The following NMNAT2 variants were observed in gnomAD, a reference collection of about 807,000 sequenced individuals.
NMNAT2 encodes the protein nicotinamide nucleotide adenylyltransferase 2, also known as nicotinamide/nicotinic acid mononucleotide adenylyltransferase 2.
In NMNAT2, 11 loss-of-function variants were observed where a neutral mutation model predicts 41.6. The ratio of observed to expected loss-of-function variants is 0.26; its 90% CI spans 0.17 to 0.44. The LOEUF is 0.44. NMNAT2 is among the 20% of genes least tolerant of loss of function. NMNAT2 has a pLI of 1.00. For synonymous variants in NMNAT2, 148 were observed against 151.2 expected (o/e 0.98, Z 0.16); for missense variants, 288 against 407.7 (o/e 0.71, Z 2.53).
chr1:183,365,060 A>C (rs1460899836), intron 1 of NMNAT2, among the ~76,000 whole-genome samples: 1 of 152,198 alleles, frequency 6.6e-6, no homozygotes. Flanking sequence ...GGAAGAAATC[A>C]AACCAGTGTG....
chr1:183,284,456 C>G (rs568915361), intron 6 of NMNAT2, among the ~76,000 whole-genome samples: 11 of 152,228 alleles, frequency 7.2e-5, no homozygotes, highest in Non-Finnish European at 1.3e-4. Context: ...AACAAGCACA[C>G]TGTGGGTGCA....
chr1:183,378,203 C>T (rs991248213), intron 1 of NMNAT2, among the ~76,000 whole-genome samples: 2 of 152,136 alleles, frequency 1.3e-5, no homozygotes, highest in Non-Finnish European at 2.9e-5. Flanking sequence ...ACCAGCCTTG[C>T]CAACATGGTG....
chr1:183,300,179 G>A (rs754962603), intron 1 of NMNAT2, among the ~76,000 whole-genome samples: 1 of 150,948 alleles, frequency 6.6e-6, no homozygotes, highest in Non-Finnish European at 1.5e-5. Context: ...CGAGGTGGGC[G>A]TATCATGAGG....
Position 183,284,790 on chromosome 1 carries a change from G to C in NMNAT2, c.449C>G (p.Ala150Gly). 6.2e-7 allele frequency: 1 copy of C among 1,613,772 alleles called. No homozygotes were observed. The highest frequency in any genetic ancestry group is 8.5e-7 in the Non-Finnish European group (1 of 1,179,664). ...TTCTCCCACCTTCCCCAAGATCTTG[G>C]CTATGGGAGAGAGCAAGACAGACAG... is the stretch of plus-strand genomic sequence containing the variant. ...NSNVATKPTA[A>G]KILGKVGESL... The change falls in exon 6 of 11, where the codon GCC becomes GGC. Residue 150 changes from alanine to glycine, a missense_variant and splice_region_variant. By Grantham distance (60) the Ala-to-Gly change is moderately conservative (BLOSUM62 0). This residue lies in a region of NMNAT2 where 181 missense variants were observed against 213.7 expected (regional missense o/e 0.85). Coordinates refer to ENST00000287713, the MANE Select transcript of NMNAT2 (RefSeq NM_015039.4).
chr1:183,328,400 C>G (rs1662513412), intron 1 of NMNAT2, among the ~76,000 whole-genome samples: 1 of 152,214 alleles, frequency 6.6e-6, no homozygotes, highest in African/African-American at 2.4e-5. Context: ...ATAAGCCCTT[C>G]TAGGAGAATG....
At chr1:183,299,947 A>G (rs1489654003) in intron 1 of NMNAT2, among the ~76,000 whole-genome samples, 1 of 152,206 alleles carries the variant, frequency 6.6e-6, no homozygotes, top group Non-Finnish European at 1.5e-5. Flanking sequence ...GTCTCTCCAA[A>G]ATTCATATGC....
intron 1 of NMNAT2, among the ~76,000 whole-genome samples, chr1:183,341,718 C>A (rs138326582): frequency 1.4e-3 from 20 of 14,122 alleles, no homozygotes; most frequent in South Asian, 2.3e-3. Context: ...GACAAACAAA[C>A]AAACACCAAA....
In NMNAT2 at chr1:183,251,970, T is replaced by C. The variant is rs200088989; in HGVS notation, c.*671A>G. On this transcript the variant is annotated 3_prime_UTR_variant, in exon 11 of 11. Coordinates refer to ENST00000287713, the MANE Select transcript of NMNAT2 (RefSeq NM_015039.4). ...GTGCGTGTGTGTGGTGCTGAAGAAGTGGAGGTTGCTTGGCCTTCTCTACTG... is the reference window on the plus strand; with the variant it reads ...GTGCGTGTGTGTGGTGCTGAAGAAGCGGAGGTTGCTTGGCCTTCTCTACTG... 9.6e-4 allele frequency: 149 copies of C among 155,150 alleles called. No homozygotes were observed. The highest frequency in any genetic ancestry group is 2.9e-4 in the Non-Finnish European group (20 of 70,080). The allele number at this position is 155,150 out of a possible 1,614,324, so 9.6% of individuals were successfully genotyped here.
intron 1 of NMNAT2, among the ~76,000 whole-genome samples, chr1:183,400,418 A>G (rs1452325375): frequency 2.0e-5 from 3 of 152,234 alleles, no homozygotes; most frequent in Admixed American, 6.5e-5. Flanking sequence ...AAAAGAGGAC[A>G]CAAACAAATG....
At chr1:183,398,822 A>G (rs1259821157) in intron 1 of NMNAT2, among the ~76,000 whole-genome samples, 1 of 152,238 alleles carries the variant, frequency 6.6e-6, no homozygotes, top group Non-Finnish European at 1.5e-5. Context: ...CTGGGTACAT[A>G]ATAAAATGAA....
intron 1 of NMNAT2, among the ~76,000 whole-genome samples, chr1:183,416,916 G>A (rs1443680892): frequency 6.6e-6 from 1 of 152,124 alleles, no homozygotes; most frequent in African/African-American, 2.4e-5. Flanking sequence ...TCCAGCTCCG[G>A]CGCGCCCTGC....
rs892176252 is a variant in NMNAT2, at chr1:183,249,920, C to T, written c.*2721G>A. 2 of 152,162 alleles carry T rather than the reference C, an allele frequency of 1.3e-5. No homozygotes were observed. The highest frequency in any genetic ancestry group is 4.8e-5 in the African/African-American group (2 of 41,396). 9.4% of individuals were successfully genotyped at this position (152,162 alleles called of 1,614,324 possible). On this transcript the variant is annotated 3_prime_UTR_variant, in exon 11 of 11. Transcript: ENST00000287713. ...CTGTTCTTTGTCTTAATTCATCTCA[C>T]TTTCCCTCCCCACTCCCACATGCTT...
intron 1 of NMNAT2, among the ~76,000 whole-genome samples, chr1:183,313,566 G>A (rs1273743528): frequency 2.0e-5 from 3 of 152,078 alleles, no homozygotes; most frequent in Admixed American, 6.5e-5. Flanking sequence ...TGCAACCTCC[G>A]CCTCCTGGGT....
intron 1 of NMNAT2, among the ~76,000 whole-genome samples, chr1:183,393,407 T>C (rs1483686163): frequency 6.6e-6 from 1 of 152,022 alleles, no homozygotes; most frequent in Non-Finnish European, 1.5e-5. Context: ...GAGTGCAAAC[T>C]TGGGATGAAC....
chr1:183,334,905 G>A (rs1662653183), intron 1 of NMNAT2, among the ~76,000 whole-genome samples: 1 of 152,140 alleles, frequency 6.6e-6, no homozygotes, highest in African/African-American at 2.4e-5. Flanking sequence ...GGAAGCTCTG[G>A]GCTGACTTCC....
At chr1:183,405,136 C>T (rs1648919527) in intron 1 of NMNAT2, among the ~76,000 whole-genome samples, 1 of 152,116 alleles carries the variant, frequency 6.6e-6, no homozygotes, top group South Asian at 2.1e-4. Flanking sequence ...GAAAGGATCA[C>T]GTGAGCCCAG....
Position 183,418,301 on chromosome 1 carries a change from T to C in NMNAT2, c.-34A>G. ...TGGGTCCTTCGCGGTGGTCTAGGGG[T>C]TGCCTCTCTTTTTGTGTCTCGTTGT... is the stretch of plus-strand genomic sequence containing the variant. On this transcript the variant is annotated 5_prime_UTR_variant, in exon 1 of 11. Transcript: ENST00000287713. 1 of 1,597,126 alleles carries C rather than the reference T, an allele frequency of 6.3e-7. No individual in the cohort carries two copies. The highest frequency in any genetic ancestry group is 1.3e-5 in the African/African-American group (1 of 74,516).
chr1:183,274,388 T>G (rs1460303574), intron 8 of NMNAT2, among the ~76,000 whole-genome samples: 1 of 152,096 alleles, frequency 6.6e-6, no homozygotes, highest in Non-Finnish European at 1.5e-5. Flanking sequence ...CTCTGCTCAC[T>G]GCAATCTCTG....
intron 1 of NMNAT2, 67 bp downstream of exon 1, chr1:183,418,116 G>GA: frequency 6.8e-7 from 1 of 1,473,246 alleles, no homozygotes; most frequent in East Asian, 2.3e-5. Context: ...GATCGCCCTG[G>GA]AAAACACAGG....
Sources: allele counts gnomAD v4.1 joint callset (sites outside exome capture counted in the v4.1 genomes callset), GRCh38; gene constraint gnomAD v4.1.1; regional missense constraint gnomAD v4.1.1; transcripts MANE v1.5; gene names NCBI Gene and HGNC (gene_info 2026-07-23, HGNC 2026-07-21).